ADCY1: variants seen among roughly 807,000 people sequenced by gnomAD.
ADCY1 encodes adenylate cyclase 1.
ADCY1 carries 28 observed loss-of-function variants against 105.4 expected under a neutral mutation model. The ratio of observed to expected loss-of-function variants is 0.27; its 90% confidence interval spans 0.20 to 0.36. ADCY1 has a LOEUF of 0.36. Among genes scored for constraint, ADCY1 ranks in the 10% least tolerant of loss-of-function variants. The pLI is 1.00. For synonymous variants in ADCY1, 655 were observed against 623.8 expected (o/e 1.05, Z -0.75); for missense variants, 977 against 1,434.2 (o/e 0.68, Z 5.15).
chr7:45,592,128 CTCTACACATATGTAT>C (rs887918389), intron 1 of ADCY1, among the ~76,000 whole-genome samples: 4 of 151,678 alleles, frequency 2.6e-5, no homozygotes, highest in Non-Finnish European at 5.9e-5. Flanking sequence ...GGAACAGCCA[CTCTACACATATGTAT>C]TCTCCAGGGG....
chr7:45,664,045 G>C (rs890911417), intron 8 of ADCY1, among the ~76,000 whole-genome samples: 8 of 152,138 alleles, frequency 5.3e-5, no homozygotes, highest in African/African-American at 1.9e-4. Flanking sequence ...GTGGCCAACT[G>C]ACCTAGCACG....
intron 2 of ADCY1, among the ~76,000 whole-genome samples, chr7:45,598,835 G>A (rs1356359726): frequency 1.3e-5 from 2 of 152,210 alleles, no homozygotes; most frequent in Non-Finnish European, 2.9e-5. Context: ...AGGTCGAGCT[G>A]GCTGGTGATT....
At chr7:45,627,987 C>G (rs1794112842) in intron 4 of ADCY1, among the ~76,000 whole-genome samples, 1 of 152,176 alleles carries the variant, frequency 6.6e-6, no homozygotes, top group Non-Finnish European at 1.5e-5. Flanking sequence ...ACAGCCATGG[C>G]TGAGCATGAG....
At chr7:45,676,110 T>C (rs998630514) in intron 8 of ADCY1, among the ~76,000 whole-genome samples, 1 of 152,092 alleles carries the variant, frequency 6.6e-6, no homozygotes, top group Non-Finnish European at 1.5e-5. Context: ...TGTGACTCTG[T>C]CTTCTAGGTC....
At chr7:45,707,366 A>G (rs1165297311) in intron 17 of ADCY1, among the ~76,000 whole-genome samples, 2 of 152,250 alleles carry the variant, frequency 1.3e-5, no homozygotes, top group Non-Finnish European at 2.9e-5. Context: ...GAAATGAGCT[A>G]TTAAGTTATG....
At chr7:45,619,407 T>C (rs1219269602) in intron 3 of ADCY1, among the ~76,000 whole-genome samples, 1 of 152,178 alleles carries the variant, frequency 6.6e-6, no homozygotes, top group Non-Finnish European at 1.5e-5. Flanking sequence ...TTGGAGGTGT[T>C]GGATATCCTA....
In ADCY1 at chr7:45,586,381, G is replaced by C. The variant is rs188271295; in HGVS notation, c.640-6378G>C. ...TTAGAAACCTGATGACGGGAGCTCA[G>C]GGAGAGCCTGTCAAATTATTTTTTA... On this transcript the variant is annotated intron_variant, in intron 1 of 19. Coordinates refer to ENST00000297323, the MANE Select transcript of ADCY1 (RefSeq NM_021116.4). 2.5e-3 allele frequency among the ~76,000 whole-genome samples: 376 copies of C among 152,288 alleles called. 2 individuals are homozygous for C. The highest frequency in any genetic ancestry group is 8.4e-3 in the African/African-American group (348 of 41,548).
chr7:45,697,043 G>A (rs1432749072), intron 14 of ADCY1, among the ~76,000 whole-genome samples: 2 of 152,194 alleles, frequency 1.3e-5, no homozygotes, highest in African/African-American at 4.8e-5. Flanking sequence ...TCTGAAAAGG[G>A]TAATTTTGGT....
Position 45,686,184 on chromosome 7 carries a change from G to C in ADCY1, c.2296G>C (p.Val766Leu). 1.2e-6 allele frequency: 2 copies of C among 1,614,050 alleles called. No homozygotes were observed. Among genetic ancestry groups the C allele is most frequent in the Non-Finnish European group, 1.7e-6 (2 of 1,179,990 alleles). Residue 766 changes from valine (V) to leucine (L), a missense_variant, in exon 13 of 20, where the codon GTT becomes CTT. This residue lies in a region of ADCY1 where 275 missense variants were observed against 362.1 expected (regional missense o/e 0.76). Coordinates refer to ENST00000297323, the MANE Select transcript of ADCY1 (RefSeq NM_021116.4). The surrounding 1 kb of genome is among the most constrained non-coding windows in gnomAD (Gnocchi z 4.3). Reference sequence around the variant, plus strand: ...CGGGCTCACCACGTCCTACATCCTCGTTCTGGAGCTCAGCGGATACACCAG... The same window carrying C: ...CGGGCTCACCACGTCCTACATCCTCCTTCTGGAGCTCAGCGGATACACCAG... ...LSGLTTSYIL[V>L]LELSGYTRTG...
Position 45,605,907 on chromosome 7 carries a change from G to A in ADCY1, c.790-4472G>A, listed in dbSNP as rs146032121. On this transcript the variant is annotated intron_variant, in intron 2 of 19. Transcript: ENST00000297323. ...TGGTTCACTGGAACCTAGGCATTTGGAATGTTGTGTATGAGCCTCTGTATA... is the reference window on the plus strand; with the variant it reads ...TGGTTCACTGGAACCTAGGCATTTGAAATGTTGTGTATGAGCCTCTGTATA... Among the ~76,000 whole-genome samples the A allele has an allele frequency of 1.7e-3, 262 of 152,250 alleles. 1 individual carries two copies. Among genetic ancestry groups the A allele is most frequent in the African/African-American group, 5.6e-3 (233 of 41,546 alleles).
At position 45,575,350 on chromosome 7, in the gene ADCY1, G is replaced by T. The variant is rs1373682464; in HGVS notation, c.639+168G>T. Among the ~76,000 whole-genome samples, 1 of 152,268 alleles carries T rather than the reference G, an allele frequency of 6.6e-6. No individual in the cohort carries two copies. Among genetic ancestry groups the T allele is most frequent in the African/African-American group, 2.4e-5 (1 of 41,480 alleles). ...CCTACGAGTTGGGGACGCAGTCGGGGCTGGCACCCTCCGGCCAGGGCTCTC... is the reference window on the plus strand; with the variant it reads ...CCTACGAGTTGGGGACGCAGTCGGGTCTGGCACCCTCCGGCCAGGGCTCTC... On this transcript the variant is annotated intron_variant, in intron 1 of 19. Coordinates refer to ENST00000297323, the MANE Select transcript of ADCY1 (RefSeq NM_021116.4). This position sits in a 1 kb window ranked among gnomAD's most constrained non-coding sequence, Gnocchi z 4.7.
intron 2 of ADCY1, among the ~76,000 whole-genome samples, chr7:45,595,133 C>T (rs1222684092): frequency 6.6e-6 from 1 of 152,184 alleles, no homozygotes; most frequent in Non-Finnish European, 1.5e-5. Flanking sequence ...TCATTTCTTT[C>T]CCAAGTTTCT....
chr7:45,636,284 C>A (rs369686767), intron 4 of ADCY1, among the ~76,000 whole-genome samples: 12 of 152,222 alleles, frequency 7.9e-5, no homozygotes, highest in East Asian at 7.7e-4. Context: ...CCTTTATACA[C>A]ATCCTCCTCT....
intron 14 of ADCY1, among the ~76,000 whole-genome samples, chr7:45,689,751 G>A (rs144110854): frequency 3.2e-4 from 49 of 152,310 alleles, no homozygotes; most frequent in Non-Finnish European, 5.1e-4. Context: ...GAGTCCTCAC[G>A]CCAGAAGGCC....
At chr7:45,589,369 C>T (rs1030517460) in intron 1 of ADCY1, among the ~76,000 whole-genome samples, 3 of 152,164 alleles carry the variant, frequency 2.0e-5, no homozygotes, top group Admixed American at 1.3e-4. Flanking sequence ...GAGTGGCCAG[C>T]GGGCTGTGGT....
At chr7:45,610,817 T>TGAAGGGGTG (rs1410966609) in intron 3 of ADCY1, among the ~76,000 whole-genome samples, 8 of 48,610 alleles carry the variant, frequency 1.6e-4, no homozygotes, top group Admixed American at 4.7e-4. Flanking sequence ...ATGGTGGAGG[T>TGAAGGGGTG]ATGGAGGTGA....
intron 8 of ADCY1, among the ~76,000 whole-genome samples, chr7:45,677,616 C>T (rs1043356902): frequency 1.2e-4 from 18 of 152,278 alleles, no homozygotes; most frequent in African/African-American, 4.1e-4. Context: ...TGTTTAATCA[C>T]CTAATCCTTG....
chr7:45,643,238 TG>T (rs1277357253), intron 4 of ADCY1, among the ~76,000 whole-genome samples: 2 of 151,580 alleles, frequency 1.3e-5, no homozygotes, highest in East Asian at 3.9e-4. Flanking sequence ...GGGTTGTAAT[TG>T]GTCCGAGGCT....
intron 11 of ADCY1, among the ~76,000 whole-genome samples, chr7:45,682,720 C>T (rs1415190836): frequency 6.6e-6 from 1 of 152,194 alleles, no homozygotes; most frequent in Non-Finnish European, 1.5e-5. Flanking sequence ...GTGTTGGGCC[C>T]ACCCAGGCTG....
Sources: allele counts gnomAD v4.1 joint callset (sites outside exome capture counted in the v4.1 genomes callset), GRCh38; gene constraint gnomAD v4.1.1; regional missense constraint gnomAD v4.1.1; non-coding constraint Gnocchi (gnomAD v3.1); transcripts MANE v1.5; gene names NCBI Gene and HGNC (gene_info 2026-07-23, HGNC 2026-07-21).